The following CCNY variants were observed in gnomAD, a reference collection of about 807,000 sequenced individuals.
The protein encoded by CCNY is cyclin-Y.
In CCNY, 19 loss-of-function variants were observed where a neutral mutation model predicts 42.8. That is an observed-to-expected ratio of 0.44 (90% CI 0.31 to 0.65). The LOEUF (loss-of-function observed/expected upper bound fraction) is 0.65, where lower values mean the gene tolerates loss of function less well. CCNY is among the 30% of genes least tolerant of loss of function. CCNY has a pLI of 0.07. For synonymous variants in CCNY, 165 were observed against 162.7 expected (o/e 1.01, Z -0.11); for missense variants, 370 against 437.3 (o/e 0.85, Z 1.37).
chr10:35,470,736 A>C (rs865810267), intron 1 of CCNY, among the ~76,000 whole-genome samples: 1 of 152,226 alleles, frequency 6.6e-6, no homozygotes, highest in African/African-American at 2.4e-5. Flanking sequence ...TGCTGGGCTC[A>C]GGCTTCCCTG....
At chr10:35,416,031 C>T (rs563576506) in intron 1 of CCNY, among the ~76,000 whole-genome samples, 2 of 152,232 alleles carry the variant, frequency 1.3e-5, no homozygotes, top group Admixed American at 1.3e-4. Context: ...CAGCTTTATA[C>T]AATGTTTTTG....
At chr10:35,496,549 A>T (rs182533432) in intron 2 of CCNY, among the ~76,000 whole-genome samples, 14 of 152,246 alleles carry the variant, frequency 9.2e-5, no homozygotes, top group Non-Finnish European at 8.8e-5. Flanking sequence ...GGAAGAGGAG[A>T]GTCAGGTGCG....
intron 4 of CCNY, among the ~76,000 whole-genome samples, chr10:35,518,033 T>C (rs113770614): frequency 0.032 from 4,805 of 152,290 alleles, 238 homozygotes; most frequent in African/African-American, 0.11. Flanking sequence ...ACTCCTCTCA[T>C]TGGAAGCCAG....
At chr10:35,337,338 C>T in intron 1 of CCNY, 131 bp downstream of exon 1, 1 of 979,640 alleles carries the variant, frequency 1.0e-6, no homozygotes, top group Non-Finnish European at 1.4e-6. Flanking sequence ...GCTTCGCCCG[C>T]GCAGCCTAGG....
Position 35,568,406 on chromosome 10 carries a change from C to A in CCNY, c.910-648C>A, listed in dbSNP as rs960084229. 6.6e-4 allele frequency among the ~76,000 whole-genome samples: 101 copies of A among 152,250 alleles called. 1 individual carries two copies. The highest frequency in any genetic ancestry group is 2.1e-4 in the Non-Finnish European group (14 of 68,044). ...TTTTACCATCAGCCAGTTCTAGCCACACCCAGTGGCAGCCCTGGGAGAGTT... is the reference window on the plus strand; with the variant it reads ...TTTTACCATCAGCCAGTTCTAGCCAAACCCAGTGGCAGCCCTGGGAGAGTT... On this transcript the variant is annotated intron_variant, in intron 9 of 9. Transcript: ENST00000374704.
chr10:35,286,586 C>A (rs1238299372), intron 3 of CCNY, among the ~76,000 whole-genome samples: 1 of 151,454 alleles, frequency 6.6e-6, no homozygotes, highest in Non-Finnish European at 1.5e-5. Flanking sequence ...GAACTCCTGA[C>A]CTCAGGTGAT....
intron 2 of CCNY, among the ~76,000 whole-genome samples, chr10:35,484,068 C>T (rs113305047): frequency 1.3e-5 from 2 of 152,142 alleles, no homozygotes; most frequent in Non-Finnish European, 2.9e-5. Flanking sequence ...AGCCCCCTCC[C>T]TGGGCATTGG....
At chr10:35,524,850 A>G (rs1024537169) in intron 4 of CCNY, among the ~76,000 whole-genome samples, 10 of 152,216 alleles carry the variant, frequency 6.6e-5, no homozygotes, top group Non-Finnish European at 1.5e-4. Flanking sequence ...GGTCAGTGTC[A>G]GTGAGTGTGA....
intron 1 of CCNY, among the ~76,000 whole-genome samples, chr10:35,448,862 A>G (rs150987750): frequency 6.6e-6 from 1 of 152,112 alleles, no homozygotes; most frequent in Non-Finnish European, 1.5e-5. Flanking sequence ...TCCTGTGGCA[A>G]CTATGGAGAG....
At chr10:35,389,571 C>G (rs1032912422) in intron 1 of CCNY, among the ~76,000 whole-genome samples, 2 of 151,626 alleles carry the variant, frequency 1.3e-5, no homozygotes, top group Non-Finnish European at 2.9e-5. Context: ...TCCCAAGTAG[C>G]TGGGATTACA....
chr10:35,507,244 T>C (rs2135397745), intron 3 of CCNY, among the ~76,000 whole-genome samples: 1 of 152,304 alleles, frequency 6.6e-6, no homozygotes, highest in South Asian at 2.1e-4. Context: ...TATAATCTGT[T>C]CTTTGACTTT....
intron 1 of CCNY, among the ~76,000 whole-genome samples, chr10:35,354,961 C>T (rs1331875990): frequency 6.6e-6 from 1 of 152,064 alleles, no homozygotes; most frequent in Non-Finnish European, 1.5e-5. Flanking sequence ...TTTTCTTTGT[C>T]TACACATGGT....
rs140176410 is a variant in CCNY, at chr10:35,497,682, A to G, written c.230-3819A>G. Among the ~76,000 whole-genome samples, 299 of 148,112 alleles carry G rather than the reference A, an allele frequency of 2.0e-3. 2 individuals are homozygous for G. Among genetic ancestry groups the G allele is most frequent in the African/African-American group, 7.1e-3 (283 of 40,134 alleles). On this transcript the variant is annotated intron_variant, in intron 2 of 9. Transcript: ENST00000374704. ...TTGAACCTGGGAGGTGGAGTGAGTC[A>G]GCTCACTTCCCTCCAGCCTGGATTA...
chr10:35,308,501 A>G (rs1835642296), intron 3 of CCNY, among the ~76,000 whole-genome samples: 1 of 152,116 alleles, frequency 6.6e-6, no homozygotes, highest in South Asian at 2.1e-4. Flanking sequence ...GCAGTGAGTT[A>G]TGATCCTGTC....
At chr10:35,280,464 G>GAGGAAGGAAGGAAAGAAGGA in intron 3 of CCNY, among the ~76,000 whole-genome samples, 1 of 140,768 alleles carries the variant, frequency 7.1e-6, no homozygotes, top group Non-Finnish European at 1.5e-5. Flanking sequence ...GGAAAGAAGG[G>GAGGAAGGAAGGAAAGAAGGA]AGGAAGGAAG....
At position 35,438,038 on chromosome 10, in the gene CCNY, GTCTC is replaced by G. The variant is rs1042547387; in HGVS notation, c.155-45359_155-45356del. On this transcript the variant is annotated intron_variant, in intron 1 of 9. Transcript: ENST00000374704. ...CAAATACTCTTACCAGCTTCTGTGT[GTCTC>G]TCTCTCGAGAGTCTCTGCATGCGTA... Among the ~76,000 whole-genome samples, 5 of 152,010 alleles carry G rather than the reference GTCTC, an allele frequency of 3.3e-5. No individual in the cohort carries two copies. In the East Asian group the frequency reaches 9.6e-4, roughly 29 times the overall value.
chr10:35,536,227 T>C (rs1840884293), intron 7 of CCNY, among the ~76,000 whole-genome samples: 1 of 152,190 alleles, frequency 6.6e-6, no homozygotes, highest in Non-Finnish European at 1.5e-5. Flanking sequence ...TGCATCCTTC[T>C]TATTTTCTCT....
chr10:35,364,450 A>T (rs1354170143), intron 1 of CCNY, among the ~76,000 whole-genome samples: 1 of 152,192 alleles, frequency 6.6e-6, no homozygotes, highest in Non-Finnish European at 1.5e-5. Context: ...GCTGACCATC[A>T]GATGTATGTT....
chr10:35,383,181 C>T (rs987778924), intron 1 of CCNY, among the ~76,000 whole-genome samples: 11 of 152,168 alleles, frequency 7.2e-5, no homozygotes, highest in African/African-American at 2.7e-4. Flanking sequence ...ATACCAGTCA[C>T]CTGCAGATGA....
Sources: allele counts gnomAD v4.1 joint callset (sites outside exome capture counted in the v4.1 genomes callset), GRCh38; gene constraint gnomAD v4.1.1; transcripts MANE v1.5; gene names NCBI Gene and HGNC (gene_info 2026-07-23, HGNC 2026-07-21).